Variants in IL1RAPL2 observed in about 807,000 individuals in gnomAD.
IL1RAPL2 encodes X-linked interleukin-1 receptor accessory protein-like 2.
A neutral mutation model predicts 44.1 loss-of-function variants in IL1RAPL2; 3 were observed. The observed-to-expected ratio is 0.07, with a 90% CI of 0.03 to 0.18. The LOEUF is 0.18. IL1RAPL2 is among the 10% of genes least tolerant of loss of function. The probability of loss-of-function intolerance (pLI) is 1.00; values close to 1 mark genes in which losing one functional copy is unlikely to be tolerated. For missense variants in IL1RAPL2, 391 were observed against 496.4 expected, an observed-to-expected ratio of 0.79 and a Z score of 2.02; for synonymous variants, 181 against 178.8, an observed-to-expected ratio of 1.01 and a Z score of -0.10.
At chrX:105,172,444 G>A (rs2033431615) in intron 2 of IL1RAPL2, among the ~76,000 whole-genome samples, 1 of 111,675 alleles carries the variant, frequency 9.0e-6, no homozygotes, top group Non-Finnish European at 1.9e-5. Context: ...TAGGGCTTCT[G>A]GGGAAGACTC....
At chrX:104,611,398 G>A (rs1929154893) in intron 1 of IL1RAPL2, among the ~76,000 whole-genome samples, 1 of 110,924 alleles carries the variant, frequency 9.0e-6, no homozygotes, top group African/African-American at 3.3e-5. Flanking sequence ...GCTGAGCTGT[G>A]GTGGGCTCTT....
chrX:105,364,061 G>A (rs1377926218), intron 5 of IL1RAPL2, among the ~76,000 whole-genome samples: 11 of 111,161 alleles, frequency 9.9e-5, no homozygotes, highest in Non-Finnish European at 1.3e-4. Context: ...CAGGTCTTAC[G>A]TTTAAGTCTT....
intron 3 of IL1RAPL2, among the ~76,000 whole-genome samples, chrX:105,228,081 A>G (rs2034034580): frequency 8.9e-6 from 1 of 111,828 alleles, no homozygotes; most frequent in South Asian, 3.7e-4. Flanking sequence ...GCTAGTTCTT[A>G]TGTTTTAACG....
At chrX:105,400,154 C>T (rs1457291431) in intron 5 of IL1RAPL2, among the ~76,000 whole-genome samples, 4 of 111,236 alleles carry the variant, frequency 3.6e-5, no homozygotes, top group Non-Finnish European at 7.6e-5. Flanking sequence ...GAAAACATAT[C>T]CTACAACATT....
chrX:105,731,237 A>G (rs760194593), intron 7 of IL1RAPL2, among the ~76,000 whole-genome samples: 16 of 111,256 alleles, frequency 1.4e-4, no homozygotes, highest in Non-Finnish European at 2.5e-4. Flanking sequence ...AGAAACTACT[A>G]TGAACAACTA....
intron 2 of IL1RAPL2, among the ~76,000 whole-genome samples, chrX:104,730,968 G>A (rs1167068629): frequency 1.8e-5 from 2 of 110,984 alleles, no homozygotes; most frequent in Non-Finnish European, 3.8e-5. Context: ...TTTCTCTGAT[G>A]GCCAGTGATG....
At chrX:105,390,898 G>T (rs2035516700) in intron 5 of IL1RAPL2, among the ~76,000 whole-genome samples, 1 of 111,210 alleles carries the variant, frequency 9.0e-6, no homozygotes, top group East Asian at 2.8e-4. Flanking sequence ...GATAAAAATG[G>T]AAGTTATAAA....
At chrX:105,151,377 T>G (rs1268409653) in intron 2 of IL1RAPL2, among the ~76,000 whole-genome samples, 1 of 111,129 alleles carries the variant, frequency 9.0e-6, no homozygotes, top group African/African-American at 3.3e-5. Context: ...TTAGTTGTGA[T>G]CTGGCTGATT....
chrX:105,416,688 C>T (rs1300855903), intron 5 of IL1RAPL2, among the ~76,000 whole-genome samples: 1 of 111,805 alleles, frequency 8.9e-6, no homozygotes, highest in African/African-American at 3.3e-5. Flanking sequence ...TAAATCAGTT[C>T]TTAAATAATC....
At chrX:104,718,570 C>G (rs1429624117) in intron 2 of IL1RAPL2, among the ~76,000 whole-genome samples, 1 of 110,973 alleles carries the variant, frequency 9.0e-6, no homozygotes, top group Non-Finnish European at 1.9e-5. Context: ...TGTACTCTCT[C>G]TCTCCTGCAG....
In IL1RAPL2 at chrX:105,525,339, C is replaced by T. The variant is rs2036588664; in HGVS notation, c.772+40952C>T. 2.7e-5 allele frequency among the ~76,000 whole-genome samples: 3 copies of T among 110,148 alleles called. No individual in the cohort carries two copies. The Admixed American group carries it at 2.9e-4, about 11-fold the overall frequency. Reference sequence around the variant, plus strand: ...TTTTTCTGATTTAAATTAGCGTTTTCTCATTACTCTGAATTGGTAAAAAAA... The same window carrying T: ...TTTTTCTGATTTAAATTAGCGTTTTTTCATTACTCTGAATTGGTAAAAAAA... On this transcript the variant is annotated intron_variant, in intron 6 of 10. Coordinates refer to ENST00000372582, the MANE Select transcript of IL1RAPL2 (RefSeq NM_017416.2).
chrX:104,605,998 C>T (rs1379780686), intron 1 of IL1RAPL2, among the ~76,000 whole-genome samples: 1 of 111,689 alleles, frequency 9.0e-6, no homozygotes, highest in Non-Finnish European at 1.9e-5. Context: ...ATACCAAAAC[C>T]TGGCAGAGAC....
intron 1 of IL1RAPL2, among the ~76,000 whole-genome samples, chrX:104,627,848 G>A (rs1406582549): frequency 9.0e-6 from 1 of 110,978 alleles, no homozygotes; most frequent in Non-Finnish European, 1.9e-5. Context: ...TGCCTGGTAT[G>A]TCTAAAAGGA....
At chrX:104,919,915 C>T (rs1363587912) in intron 2 of IL1RAPL2, among the ~76,000 whole-genome samples, 1 of 110,618 alleles carries the variant, frequency 9.0e-6, no homozygotes, top group African/African-American at 3.3e-5. Flanking sequence ...TACAAGGGTA[C>T]AATCTTGCTT....
intron 2 of IL1RAPL2, among the ~76,000 whole-genome samples, chrX:105,010,124 C>T (rs2031024233): frequency 9.0e-6 from 1 of 110,933 alleles, no homozygotes; most frequent in Non-Finnish European, 1.9e-5. Context: ...GCAGGTAGGG[C>T]TCAAGAGTAA....
intron 2 of IL1RAPL2, among the ~76,000 whole-genome samples, chrX:104,970,387 A>T (rs1344977830): frequency 8.9e-6 from 1 of 111,974 alleles, no homozygotes; most frequent in Non-Finnish European, 1.9e-5. Context: ...GGTGTTAGGA[A>T]CTTTTATTGA....
chrX:104,716,387 A>G (rs746255592), intron 2 of IL1RAPL2, among the ~76,000 whole-genome samples: 1 of 111,706 alleles, frequency 9.0e-6, no homozygotes, highest in South Asian at 3.7e-4. Context: ...TCATGATTGA[A>G]GACACCAAAA....
intron 6 of IL1RAPL2, among the ~76,000 whole-genome samples, chrX:105,571,263 T>C (rs902072969): frequency 4.5e-5 from 5 of 111,483 alleles, no homozygotes; most frequent in African/African-American, 1.6e-4. Flanking sequence ...TTTAATAAAA[T>C]CCTAAAAGTA....
chrX:105,242,329 A>G (rs75334674), intron 4 of IL1RAPL2, among the ~76,000 whole-genome samples: 2,350 of 112,554 alleles, frequency 0.021, 62 homozygotes, highest in African/African-American at 0.072. Flanking sequence ...GAACTAAAAG[A>G]CATTACAGTT....
Sources: gnomAD v4.1 joint callset for allele counts (sites outside exome capture counted in the v4.1 genomes callset) on GRCh38, gnomAD v4.1.1 for gene constraint, MANE v1.5 for transcripts, NCBI Gene and HGNC (gene_info 2026-07-23, HGNC 2026-07-21) for gene names.